ENTPD1: variants seen among roughly 807,000 people sequenced by gnomAD.
ENTPD1 encodes the protein ATP diphosphohydrolase.
Under a neutral mutation model 57.0 loss-of-function variants are expected in ENTPD1, and 33 were observed. That is an observed-to-expected ratio of 0.58 (90% CI 0.44 to 0.77). ENTPD1 has a LOEUF of 0.77. Among genes scored for constraint, ENTPD1 ranks in the 30% least tolerant of loss-of-function variants. The pLI, the probability that ENTPD1 is intolerant of heterozygous loss-of-function variation, is 0.00. For synonymous variants in ENTPD1, 202 were observed against 218.8 expected (o/e 0.92, Z 0.68); for missense variants, 501 against 603.4 (o/e 0.83, Z 1.78).
At chr10:95,699,859 T>C in the ENTPD1 span, among the ~76,000 whole-genome samples, 53,877 of 151,986 alleles carry the variant, frequency 0.35, 10,162 homozygotes, top group East Asian at 0.7. Context: ...AGCAGCAGCC[T>C]AGAATATCCA....
Position 95,844,746 on chromosome 10 carries a change from T to C in ENTPD1, c.573+111T>C, listed in dbSNP as rs3176885. On this transcript the variant is annotated intron_variant, in intron 5 of 9. Coordinates refer to ENST00000371205, the MANE Select transcript of ENTPD1 (RefSeq NM_001776.6). ...AATGAATGAATGAATGATAGATGGATGGATGGATGGATGACTGGATGAATG... is the reference window on the plus strand; with the variant it reads ...AATGAATGAATGAATGATAGATGGACGGATGGATGGATGACTGGATGAATG... 239,695 of 1,265,668 alleles carry C rather than the reference T, an allele frequency of 0.19. 25,232 individuals are homozygous for C. Among genetic ancestry groups the C allele is most frequent in the African/African-American group, 0.37 (24,961 of 68,302 alleles). 78.4% of individuals were successfully genotyped at this position (1,265,668 alleles called of 1,614,324 possible). A position where few individuals can be genotyped will look rare whatever the true frequency, so the allele number is the denominator to read the frequency against.
intron 2 of ENTPD1, among the ~76,000 whole-genome samples, chr10:95,831,389 G>A (rs1161256345): frequency 2.0e-5 from 3 of 152,210 alleles, no homozygotes; most frequent in East Asian, 3.8e-4. Context: ...AGGGTCACAG[G>A]AGTTAACCTC....
exon 1 of ENTPD1, chr10:95,711,971 G>A (rs1293937817): frequency 1.9e-6 from 3 of 1,610,252 alleles, no homozygotes; most frequent in Middle Eastern, 1.8e-4. Flanking sequence ...AGGGAACCAA[G>A]GACCTGACAA....
In ENTPD1 at chr10:95,820,855, GTTTTTCTTT is replaced by G. The variant is rs1165780936; in HGVS notation, c.17-2377_17-2369del. Among the ~76,000 whole-genome samples the G allele has an allele frequency of 2.0e-5, 3 of 152,150 alleles. No homozygotes were observed. The South Asian group carries it at 6.2e-4, about 32-fold the overall frequency. The stretch of plus-strand genomic sequence containing the variant: ...ATTCCAAAGAGCAGGGGCCTTATCA[GTTTTTCTTT>G]TTTTATTGTAGTAACTTGGATGCTA... On this transcript the variant is annotated intron_variant, in intron 1 of 9. Transcript: ENST00000371205.
chr10:95,826,241 A>G (rs777102592), intron 2 of ENTPD1, among the ~76,000 whole-genome samples: 22 of 152,102 alleles, frequency 1.4e-4, no homozygotes, highest in Non-Finnish European at 2.4e-4. Context: ...TATCTGAAGA[A>G]TGATTGGAAG....
Position 95,870,162 on chromosome 10 carries a change from A to T in ENTPD1, c.*3779A>T. 3 of 985,476 alleles carry T rather than the reference A, an allele frequency of 3.0e-6. No homozygotes were observed. Among genetic ancestry groups the T allele is most frequent in the Non-Finnish European group, 3.6e-6 (3 of 829,942 alleles). The allele number at this position is 985,476 out of a possible 1,614,324, so 61.0% of individuals were successfully genotyped here. ...TGCCTTCCCATGAAGATGTGAAGGC[A>T]GGGATGCCTGTTATTCAGTCCAAGA... On this transcript the variant is annotated 3_prime_UTR_variant, in exon 10 of 10. Transcript: ENST00000371205.
intron 1 of ENTPD1, among the ~76,000 whole-genome samples, chr10:95,738,559 G>A (rs1338443201): frequency 1.3e-5 from 2 of 152,118 alleles, no homozygotes; most frequent in Non-Finnish European, 2.9e-5. Context: ...GGTCAAGAAA[G>A]GCAAAATTCG....
At chr10:95,712,988 T>G (rs2097967429) in intron 1 of ENTPD1, among the ~76,000 whole-genome samples, 1 of 150,280 alleles carries the variant, frequency 6.7e-6, no homozygotes, top group Non-Finnish European at 1.5e-5. Context: ...GAGCAGAGAT[T>G]GCGCCGCTGC....
intron 1 of ENTPD1, among the ~76,000 whole-genome samples, chr10:95,809,953 GGCCGGGCAGAGGC>G: frequency 7.1e-6 from 1 of 139,900 alleles, no homozygotes; most frequent in African/African-American, 2.7e-5. Context: ...CAGACGGGGC[GGCCGGGCAGAGGC>G]GCTCCTCACC....
At chr10:95,702,362 C>T in the ENTPD1 span, among the ~76,000 whole-genome samples, 1 of 151,730 alleles carries the variant, frequency 6.6e-6, no homozygotes, top group African/African-American at 2.4e-5. Context: ...AAATTGAGAA[C>T]TCTTAGATTG....
At chr10:95,816,373 G>A (rs1414326914) in intron 1 of ENTPD1, among the ~76,000 whole-genome samples, 1 of 152,130 alleles carries the variant, frequency 6.6e-6, no homozygotes, top group Non-Finnish European at 1.5e-5. Context: ...CTGTGACTCA[G>A]TTTCCTCATC....
rs183930980 is a variant in ENTPD1 at position 95,872,556 on chromosome 10, A to G, written c.*6173A>G. ...AATGTCTCTTCCTTGTGCTACCACAACCCTTTAACTGAGCCTCCATTAGTG... is the reference window on the plus strand; with the variant it reads ...AATGTCTCTTCCTTGTGCTACCACAGCCCTTTAACTGAGCCTCCATTAGTG... On this transcript the variant is annotated 3_prime_UTR_variant, in exon 10 of 10. Coordinates refer to ENST00000371205, the MANE Select transcript of ENTPD1 (RefSeq NM_001776.6). 100 of 985,094 alleles carry G rather than the reference A, an allele frequency of 1.0e-4. 2 individuals are homozygous for G. In the Admixed American group the frequency reaches 6.0e-3, roughly 59 times the overall value. 61.0% of individuals were successfully genotyped at this position (985,094 alleles called of 1,614,324 possible). A position where few individuals can be genotyped will look rare whatever the true frequency, so the allele number is the denominator to read the frequency against.
chr10:95,803,462 T>A (rs1424322796), intron 1 of ENTPD1, among the ~76,000 whole-genome samples: 1 of 152,250 alleles, frequency 6.6e-6, no homozygotes, highest in Non-Finnish European at 1.5e-5. Flanking sequence ...TGACCAGTGA[T>A]GATGAGCATT....
chr10:95,826,886 G>T (rs1360035729), intron 2 of ENTPD1, among the ~76,000 whole-genome samples: 2 of 152,128 alleles, frequency 1.3e-5, no homozygotes, highest in South Asian at 2.1e-4. Context: ...TGTGGAAGGA[G>T]GGGGAGCCTT....
intron 7 of ENTPD1, among the ~76,000 whole-genome samples, chr10:95,859,289 A>G (rs1009550726): frequency 3.9e-5 from 6 of 152,178 alleles, no homozygotes; most frequent in South Asian, 2.1e-4. Flanking sequence ...TGAGCCCCCA[A>G]TGGGATCTCT....
At chr10:95,811,219 C>T (rs890708436) in intron 1 of ENTPD1, among the ~76,000 whole-genome samples, 1 of 152,182 alleles carries the variant, frequency 6.6e-6, no homozygotes, top group African/African-American at 2.4e-5. Flanking sequence ...CTTTACAATT[C>T]TGCCCAAAGA....
At chr10:95,801,074 T>C (rs1269656876) in intron 1 of ENTPD1, among the ~76,000 whole-genome samples, 2 of 152,200 alleles carry the variant, frequency 1.3e-5, no homozygotes, top group Admixed American at 1.3e-4. Context: ...ATAAAAGTAT[T>C]AATTTTGGGA....
intron 1 of ENTPD1, among the ~76,000 whole-genome samples, chr10:95,820,728 A>G (rs972527112): frequency 6.6e-6 from 1 of 152,106 alleles, no homozygotes; most frequent in East Asian, 1.9e-4. Flanking sequence ...TCACTCTATC[A>G]AGTTCCTTGG....
chr10:95,769,198 A>G (rs2098104448), intron 1 of ENTPD1, among the ~76,000 whole-genome samples: 1 of 152,242 alleles, frequency 6.6e-6, no homozygotes. Flanking sequence ...CCAGAGGCAT[A>G]AAGGCATTCA....
Sources: allele counts gnomAD v4.1 joint callset (sites outside exome capture counted in the v4.1 genomes callset), GRCh38; gene constraint gnomAD v4.1.1; transcripts MANE v1.5; gene names NCBI Gene and HGNC (gene_info 2026-07-23, HGNC 2026-07-21).